Variants in ABCC2 observed in about 807,000 individuals in gnomAD.
ABCC2 encodes ATP-binding cassette sub-family C member 2.
ABCC2 carries 157 observed loss-of-function variants against 173.4 expected under a neutral mutation model. The observed-to-expected ratio is 0.91, with a 90% CI of 0.80 to 1.03. ABCC2 has a LOEUF of 1.03. ABCC2 is among the 50% of genes least tolerant of loss of function. The pLI, the probability that ABCC2 is intolerant of heterozygous loss-of-function variation, is 0.00. For synonymous variants in ABCC2, 657 were observed against 693.5 expected (o/e 0.95, Z 0.83); for missense variants, 1,822 against 1,852.3 (o/e 0.98, Z 0.30).
chr10:99,849,055 T>C (rs1331159612), intron 30 of ABCC2, among the ~76,000 whole-genome samples: 1 of 152,090 alleles, frequency 6.6e-6, no homozygotes, highest in Non-Finnish European at 1.5e-5. Context: ...AGACACCCCA[T>C]CTCTACTAAA....
In ABCC2 at chr10:99,818,820, C is replaced by T. The variant is rs56199535; in HGVS notation, c.2302C>T (p.Arg768Trp). The T allele has an allele frequency of 1.1e-4, 170 of 1,614,112 alleles. No homozygotes were observed. The East Asian group carries it at 1.5e-3, about 14-fold the overall frequency. The change falls in exon 18 of 32, where the codon CGG (arginine) becomes TGG (tryptophan). Residue 768 changes from arginine (R) to tryptophan (W), a missense_variant. Arg to Trp is a moderately radical substitution (Grantham distance 101, BLOSUM62 -3). Transcript: ENST00000647814. The part of the protein sequence containing the change: ...GINLSGGQKQ[R>W]ISLARATYQN... ...AAATCTTAGTGGGGGTCAGAAGCAG[C>T]GGATCAGCCTGGCCAGAGCTACCTA...
rs1248986482 is a variant in ABCC2 at position 99,797,158 on chromosome 10, G to A, written c.694G>A (p.Glu232Lys). The A allele has an allele frequency of 6.2e-7, 1 of 1,614,052 alleles. No homozygotes were observed. The highest frequency in any genetic ancestry group is 8.5e-7 in the Non-Finnish European group (1 of 1,180,026). Residue 232 changes from glutamate to lysine, a missense_variant, in exon 7 of 32, where the codon GAG becomes AAG. Transcript: ENST00000647814. ...TLEDVWEVDE[E>K]MKTKTLVSKF... is the part of the protein sequence containing the mutation. ...CGAGGATGTCTGGGAAGTTGATGAA[G>A]AGATGAAAACCAAGACATTAGTGAG... is the stretch of plus-strand genomic sequence containing the variant.
chr10:99,823,522 G>A (rs1231597947), intron 19 of ABCC2, among the ~76,000 whole-genome samples: 1 of 150,130 alleles, frequency 6.7e-6, no homozygotes, highest in Non-Finnish European at 1.5e-5. Context: ...ATATTGATAG[G>A]TTGGTCAAAA....
intron 17 of ABCC2, 46 bp downstream of exon 17, chr10:99,817,530 G>A: frequency 6.3e-7 from 1 of 1,599,788 alleles, no homozygotes. Flanking sequence ...GCATATTGAA[G>A]AGAAAAAGTG....
chr10:99,843,966 T>C, intron 27 of ABCC2, 66 bp downstream of exon 27: 1 of 1,312,794 alleles, frequency 7.6e-7, no homozygotes, highest in Non-Finnish European at 1.1e-6. Context: ...CGAGAGTGCA[T>C]CTTTAGAATT....
intron 9 of ABCC2, 61 bp from the exon 10 acceptor site, chr10:99,803,958 C>A: frequency 6.2e-7 from 1 of 1,608,042 alleles, no homozygotes; most frequent in South Asian, 1.1e-5. Context: ...TGAGCTTCCT[C>A]TTCTACTCCC....
chr10:99,795,420 C>T (rs1182619400), intron 6 of ABCC2, among the ~76,000 whole-genome samples: 1 of 152,038 alleles, frequency 6.6e-6, no homozygotes, highest in Non-Finnish European at 1.5e-5. Flanking sequence ...ATTTCTCAGC[C>T]TGGCATGGTA....
intron 17 of ABCC2, 111 bp from the exon 18 acceptor site, chr10:99,818,679 A>C (rs1564688451): frequency 1.8e-6 from 2 of 1,094,328 alleles, no homozygotes; most frequent in Non-Finnish European, 2.7e-6. Flanking sequence ...TAAGATTTTT[A>C]ACCCCTTGAC....
chr10:99,812,720 C>A (rs2133047545), intron 15 of ABCC2, among the ~76,000 whole-genome samples: 1 of 152,280 alleles, frequency 6.6e-6, no homozygotes, highest in Non-Finnish European at 1.5e-5. Flanking sequence ...AATGGGTAAC[C>A]ATGTTAGTTC....
chr10:99,829,425 CA>C (rs1294595214), intron 19 of ABCC2, among the ~76,000 whole-genome samples: 1 of 149,112 alleles, frequency 6.7e-6, no homozygotes, highest in Non-Finnish European at 1.5e-5. Flanking sequence ...TGGTTAATTT[CA>C]GAGCTCTGAA....
intron 2 of ABCC2, among the ~76,000 whole-genome samples, chr10:99,790,911 G>A (rs892525314): frequency 1.3e-5 from 2 of 152,106 alleles, no homozygotes; most frequent in African/African-American, 2.4e-5. Context: ...AATGAATAAG[G>A]GTAGATGGAT....
In ABCC2 at chr10:99,829,489, G is replaced by A. The variant is rs546404462; in HGVS notation, c.2621-818G>A. Among the ~76,000 whole-genome samples the A allele has an allele frequency of 9.2e-5, 14 of 152,242 alleles. No homozygotes were observed. The South Asian group carries it at 2.9e-3, about 32-fold the overall frequency. On this transcript the variant is annotated intron_variant, in intron 19 of 31. Coordinates refer to ENST00000647814, the MANE Select transcript of ABCC2 (RefSeq NM_000392.5). ...TTATTCTAATTGCTTTTATGGAGGA[G>A]TAGATATCTGGAGGTTCCTATTCTA...
chr10:99,811,536 A>C lies in ABCC2; in HGVS notation c.1901A>C (p.Asp634Ala). The C allele has an allele frequency of 6.2e-7, 1 of 1,614,066 alleles. No individual in the cohort carries two copies. The highest frequency in any genetic ancestry group is 8.5e-7 in the Non-Finnish European group (1 of 1,179,968). The stretch of plus-strand genomic sequence containing the variant: ...CTAAAAGAGGGCTTTTTCTCAACAG[A>C]CAAAGCCATGCAGTTTTCTGAGGCC... ...TSAIRHDCNF[D>A]KAMQFSEASF... The change falls in exon 15 of 32, where the codon GAC becomes GCC. Residue 634 changes from aspartate (D) to alanine (A), a missense_variant and splice_region_variant. Physicochemically the swap from Asp to Ala is moderately radical, Grantham distance 126. Coordinates refer to ENST00000647814, the MANE Select transcript of ABCC2 (RefSeq NM_000392.5).
At chr10:99,797,569 G>A in intron 7 of ABCC2, 1 of 528,436 alleles carries the variant, frequency 1.9e-6, no homozygotes, top group South Asian at 2.2e-5. Context: ...ACGTGGTTTT[G>A]AAAAAAATAA....
chr10:99,819,446 C>G (rs2038490993), intron 19 of ABCC2, among the ~76,000 whole-genome samples, 177 bp downstream of exon 19: 1 of 152,210 alleles, frequency 6.6e-6, no homozygotes. Flanking sequence ...GAAATTGAAA[C>G]TCTATGCCTG....
intron 16 of ABCC2, among the ~76,000 whole-genome samples, chr10:99,815,396 A>G (rs61643508): frequency 0.022 from 3,339 of 152,166 alleles, 136 homozygotes; most frequent in African/African-American, 0.075. Flanking sequence ...GGGTTTTGCC[A>G]TGTTGGCCAG....
Position 99,851,708 on chromosome 10 carries a change from AC to A in ABCC2, c.*78del. On this transcript the variant is annotated 3_prime_UTR_variant, in exon 32 of 32. Coordinates refer to ENST00000647814, the MANE Select transcript of ABCC2 (RefSeq NM_000392.5). ...TTTTATTTTTTATAAAATACAGAAT[AC>A]ATACAAAAGTGTGTATAAAATGTAC... 7.3e-7 allele frequency: 1 copy of A among 1,366,168 alleles called. No homozygotes were observed. The allele number at this position is 1,366,168 out of a possible 1,614,324, so 84.6% of individuals were successfully genotyped here.
Position 99,805,400 on chromosome 10 carries a change from A to G in ABCC2, c.1483A>G (p.Lys495Glu), listed in dbSNP as rs17222561. The change falls in exon 11 of 32, where the codon AAA becomes GAA. Residue 495 changes from lysine (K) to glutamate (E), a missense_variant. Lys to Glu is a moderately conservative substitution (Grantham distance 56). Transcript: ENST00000647814. ...KTIQVKNMKN[K>E]DKRLKIMNEI... ...CTGGCAGGTCAAAAATATGAAGAAT[A>G]AAGACAAACGTTTAAAGATCATGAA... The G allele has an allele frequency of 4.0e-3, 6,465 of 1,613,986 alleles. 22 individuals carry two copies. The highest frequency in any genetic ancestry group is 4.3e-3 in the South Asian group (388 of 91,062).
chr10:99,832,439 A>G (rs969499758), intron 23 of ABCC2, among the ~76,000 whole-genome samples: 2 of 152,108 alleles, frequency 1.3e-5, no homozygotes, highest in African/African-American at 2.4e-5. Flanking sequence ...AGTACAAAGG[A>G]AAAAAAGGCA....
Sources: gnomAD v4.1 joint callset for allele counts (sites outside exome capture counted in the v4.1 genomes callset) on GRCh38, gnomAD v4.1.1 for gene constraint, MANE v1.5 for transcripts, NCBI Gene and HGNC (gene_info 2026-07-23, HGNC 2026-07-21) for gene names.